SMYD3: variants seen among roughly 807,000 people sequenced by gnomAD.
The protein encoded by SMYD3 is histone-lysine N-methyltransferase SMYD3.
Under a neutral mutation model 57.7 loss-of-function variants are expected in SMYD3, and 36 were observed. The ratio of observed to expected loss-of-function variants is 0.62; its 90% CI spans 0.48 to 0.82. The LOEUF (loss-of-function observed/expected upper bound fraction) is 0.82. SMYD3 is among the 40% of genes least tolerant of loss of function. The pLI, the probability that SMYD3 is intolerant of heterozygous loss-of-function variation, is 0.00. For missense variants in SMYD3, 515 were observed against 538.8 expected, an observed-to-expected ratio of 0.96 and a Z score of 0.44; for synonymous variants, 211 against 195.0, an observed-to-expected ratio of 1.08 and a Z score of -0.68.
chr1:246,095,935 T>C (rs926511629), intron 5 of SMYD3, among the ~76,000 whole-genome samples: 9 of 152,216 alleles, frequency 5.9e-5, no homozygotes, highest in African/African-American at 7.2e-5. Flanking sequence ...TCAACTCCTA[T>C]TTTTCATAGA....
At chr1:245,956,287 T>C (rs1336256078) in intron 5 of SMYD3, among the ~76,000 whole-genome samples, 3 of 152,178 alleles carry the variant, frequency 2.0e-5, no homozygotes, top group African/African-American at 7.2e-5. Flanking sequence ...AATAAATGCT[T>C]TTTAAGATAA....
intron 10 of SMYD3, among the ~76,000 whole-genome samples, chr1:245,795,983 G>A (rs937069528): frequency 6.6e-6 from 1 of 152,130 alleles, no homozygotes; most frequent in East Asian, 1.9e-4. Flanking sequence ...CCAGTTAGTT[G>A]TCTTCAGAGC....
intron 5 of SMYD3, among the ~76,000 whole-genome samples, chr1:245,965,231 T>C (rs1344725476): frequency 6.6e-6 from 1 of 152,150 alleles, no homozygotes; most frequent in Non-Finnish European, 1.5e-5. Flanking sequence ...ATAAGTGAAA[T>C]GAATGACAGT....
intron 9 of SMYD3, among the ~76,000 whole-genome samples, chr1:245,863,574 CT>C (rs2051667540): frequency 6.6e-6 from 1 of 152,162 alleles, no homozygotes; most frequent in African/African-American, 2.4e-5. Flanking sequence ...TGATTATTAC[CT>C]AACGGTAGTG....
intron 8 of SMYD3, among the ~76,000 whole-genome samples, chr1:245,878,017 G>A (rs189639494): frequency 2.0e-5 from 3 of 152,298 alleles, no homozygotes; most frequent in Non-Finnish European, 4.4e-5. Context: ...GTGTTCCCAG[G>A]AGGAGGAAGG....
chr1:246,393,700 AAT>A lies in SMYD3; in HGVS notation c.165-38608_165-38607del, dbSNP rs1553341509. 9.4e-4 allele frequency among the ~76,000 whole-genome samples: 115 copies of A among 122,326 alleles called. 1 individual carries two copies. The highest frequency in any genetic ancestry group is 3.2e-3 in the African/African-American group (106 of 33,154). The allele number at this position is 122,326 out of a possible 152,430, so 80.3% of individuals were successfully genotyped here. A position where few individuals can be genotyped will look rare whatever the true frequency, so the allele number is the denominator to read the frequency against. On this transcript the variant is annotated intron_variant, in intron 1 of 11. Coordinates refer to ENST00000490107, the MANE Select transcript of SMYD3 (RefSeq NM_001167740.2). ...AAAAAAAAAAAAAAAAAAAAAAAAAAATTTAATTAGCCAGGCATGCTGGCAGG... is the reference window on the plus strand; with the variant it reads ...AAAAAAAAAAAAAAAAAAAAAAAAAATTAATTAGCCAGGCATGCTGGCAGG...
chr1:245,777,360 T>C (rs2046647622), intron 10 of SMYD3, among the ~76,000 whole-genome samples: 1 of 152,218 alleles, frequency 6.6e-6, no homozygotes, highest in South Asian at 2.1e-4. Flanking sequence ...GCAACCACTT[T>C]AGGGCATCAG....
At chr1:245,993,718 G>C (rs192260363) in intron 5 of SMYD3, among the ~76,000 whole-genome samples, 1 of 152,290 alleles carries the variant, frequency 6.6e-6, no homozygotes, top group Admixed American at 6.5e-5. Flanking sequence ...TATAAAGACA[G>C]AGGGATGGAT....
intron 5 of SMYD3, among the ~76,000 whole-genome samples, chr1:246,085,503 G>A (rs75397091): frequency 0.033 from 4,976 of 152,208 alleles, 286 homozygotes; most frequent in African/African-American, 0.11. Context: ...TAATGTGTGA[G>A]GTGCCCTCCC....
intron 5 of SMYD3, among the ~76,000 whole-genome samples, chr1:245,934,972 C>T (rs941730853): frequency 3.9e-5 from 6 of 152,138 alleles, no homozygotes; most frequent in East Asian, 3.9e-4. Context: ...TTCTTAGTCA[C>T]GTTATTTCAT....
chr1:246,174,182 G>A (rs931699077), intron 5 of SMYD3, among the ~76,000 whole-genome samples: 3 of 151,950 alleles, frequency 2.0e-5, no homozygotes, highest in African/African-American at 7.3e-5. Context: ...ATATATAAAC[G>A]AGCAACACAG....
chr1:246,096,659 T>G (rs1200916955), intron 5 of SMYD3, among the ~76,000 whole-genome samples: 1 of 152,194 alleles, frequency 6.6e-6, no homozygotes, highest in African/African-American at 2.4e-5. Flanking sequence ...TAGAATACAT[T>G]GCAATTCTGA....
intron 5 of SMYD3, among the ~76,000 whole-genome samples, chr1:246,236,741 G>A (rs2063517817): frequency 2.0e-5 from 3 of 152,042 alleles, no homozygotes; most frequent in Admixed American, 2.0e-4. Flanking sequence ...CAAACTCTGG[G>A]GCTAAAGTGA....
At chr1:245,934,226 T>G (rs2056878405) in intron 5 of SMYD3, among the ~76,000 whole-genome samples, 1 of 152,174 alleles carries the variant, frequency 6.6e-6, no homozygotes, top group Non-Finnish European at 1.5e-5. Context: ...GTACTTAGTT[T>G]TATTAAACCC....
chr1:246,337,195 G>GTACAA lies in SMYD3; in HGVS notation c.229-1726_229-1722dup, dbSNP rs368542064. On this transcript the variant is annotated intron_variant, in intron 2 of 11. Transcript: ENST00000490107. ...GTGTAAGAGGCCTAAAATATACATG[G>GTACAA]TACAATTGTCAAGTAAGTTTTAAAA... is the stretch of plus-strand genomic sequence containing the variant. Among the ~76,000 whole-genome samples, 127 of 152,206 alleles carry GTACAA rather than the reference G, an allele frequency of 8.3e-4. 1 individual carries two copies. Among genetic ancestry groups the GTACAA allele is most frequent in the African/African-American group, 2.9e-3 (122 of 41,526 alleles).
intron 5 of SMYD3, among the ~76,000 whole-genome samples, chr1:246,136,795 T>C (rs1175793398): frequency 6.6e-6 from 1 of 152,202 alleles, no homozygotes; most frequent in Non-Finnish European, 1.5e-5. Context: ...GGAACTAAGA[T>C]GCAGACAGTC....
intron 8 of SMYD3, 70 bp downstream of exon 8, chr1:245,915,460 A>T: frequency 1.0e-6 from 1 of 977,254 alleles, no homozygotes; most frequent in Non-Finnish European, 1.6e-6. Flanking sequence ...TATGAAATCT[A>T]GGCAGAGTTC....
rs367805434 is a variant in SMYD3 at position 246,411,218 on chromosome 1, G to T, written c.165-56124C>A. 4.6e-5 allele frequency among the ~76,000 whole-genome samples: 7 copies of T among 152,230 alleles called. No homozygotes were observed. The East Asian group carries it at 7.7e-4, about 17-fold the overall frequency. On this transcript the variant is annotated intron_variant, in intron 1 of 11. Coordinates refer to ENST00000490107, the MANE Select transcript of SMYD3 (RefSeq NM_001167740.2). ...ACATTTATGCACCCAAAAAACACAT[G>T]AAAAAATGCTCATCATCACTGGCCA...
At chr1:245,762,407 AT>A (rs1359638771) in intron 11 of SMYD3, among the ~76,000 whole-genome samples, 1 of 152,208 alleles carries the variant, frequency 6.6e-6, no homozygotes, top group Non-Finnish European at 1.5e-5. Context: ...TGCATCGCAC[AT>A]TAGGAAATTT....
Sources: gnomAD v4.1 joint callset for allele counts (sites outside exome capture counted in the v4.1 genomes callset) on GRCh38, gnomAD v4.1.1 for gene constraint, MANE v1.5 for transcripts, NCBI Gene and HGNC (gene_info 2026-07-23, HGNC 2026-07-21) for gene names.